Variants in SGCZ observed in about 807,000 individuals in gnomAD.
The protein encoded by SGCZ is zeta-sarcoglycan.
A neutral mutation model predicts 41.3 loss-of-function variants in SGCZ; 40 were observed. The ratio of observed to expected loss-of-function variants is 0.97; its 90% CI spans 0.75 to 1.26. The LOEUF (loss-of-function observed/expected upper bound fraction) is 1.26. Among genes scored for constraint, SGCZ ranks in the 50% most tolerant of loss-of-function variants. SGCZ has a pLI of 0.00. For missense variants in SGCZ, 552 were observed against 369.8 expected, an observed-to-expected ratio of 1.49 and a Z score of -4.04; for synonymous variants, 206 against 137.5, an observed-to-expected ratio of 1.50 and a Z score of -3.49.
rs375024477 is a variant in SGCZ at position 14,160,400 on chromosome 8, C to A, written c.547+4180G>T. On this transcript the variant is annotated intron_variant, in intron 5 of 7. Transcript: ENST00000382080. ...GACTTCCGTGTGTAAAGGTTTATTCCTTTTTTTGTTGTGTTGACTAGGTCT... is the reference window on the plus strand; with the variant it reads ...GACTTCCGTGTGTAAAGGTTTATTCATTTTTTTGTTGTGTTGACTAGGTCT... Among the ~76,000 whole-genome samples the A allele has an allele frequency of 3.3e-5, 5 of 151,990 alleles. No individual in the cohort carries two copies. In the East Asian group the frequency reaches 9.7e-4, roughly 29 times the overall value.
chr8:14,733,038 C>A (rs1316391606), intron 1 of SGCZ, among the ~76,000 whole-genome samples: 1 of 152,108 alleles, frequency 6.6e-6, no homozygotes, highest in African/African-American at 2.4e-5. Flanking sequence ...CAGGGACGCT[C>A]AGGGTTCTAT....
chr8:14,529,892 T>C (rs1370057650), intron 2 of SGCZ, among the ~76,000 whole-genome samples: 3 of 152,122 alleles, frequency 2.0e-5, no homozygotes, highest in South Asian at 2.1e-4. Context: ...TTCTAAAATA[T>C]GCAATGCACT....
chr8:14,580,380 C>T (rs1241513905), intron 1 of SGCZ, among the ~76,000 whole-genome samples: 6 of 152,046 alleles, frequency 3.9e-5, no homozygotes, highest in African/African-American at 1.2e-4. Flanking sequence ...AATAGTAATA[C>T]TTTAAATGGA....
chr8:14,824,108 G>A (rs1802207851), intron 1 of SGCZ, among the ~76,000 whole-genome samples: 1 of 152,044 alleles, frequency 6.6e-6, no homozygotes, highest in Non-Finnish European at 1.5e-5. Context: ...AAAGAGGAGA[G>A]GAGGATGAGA....
chr8:14,133,462 C>A lies in SGCZ; in HGVS notation c.548-25227G>T, dbSNP rs188511111. On this transcript the variant is annotated intron_variant, in intron 5 of 7. Transcript: ENST00000382080. ...AAGAGCATCTTTTCTTTCACGTAGTCTCCAGACAGGTTACAAGAGACACAT... is the reference window on the plus strand; with the variant it reads ...AAGAGCATCTTTTCTTTCACGTAGTATCCAGACAGGTTACAAGAGACACAT... Among the ~76,000 whole-genome samples, 5 of 152,236 alleles carry A rather than the reference C, an allele frequency of 3.3e-5. No individual in the cohort carries two copies. The East Asian group carries it at 7.7e-4, about 24-fold the overall frequency.
At chr8:14,419,881 G>C (rs944087128) in intron 2 of SGCZ, among the ~76,000 whole-genome samples, 3 of 151,986 alleles carry the variant, frequency 2.0e-5, no homozygotes, top group Admixed American at 1.3e-4. Flanking sequence ...GAAATTATTA[G>C]CGTTTGTTTC....
chr8:15,217,474 A>G (rs1000203921), intron 1 of SGCZ, among the ~76,000 whole-genome samples: 1 of 148,762 alleles, frequency 6.7e-6, no homozygotes, highest in Non-Finnish European at 1.5e-5. Flanking sequence ...TTTTTTCCTG[A>G]AATTTCAGTG....
intron 2 of SGCZ, among the ~76,000 whole-genome samples, chr8:14,528,826 C>CCAAAAAA (rs1464674085): frequency 3.9e-3 from 24 of 6,154 alleles, no homozygotes; most frequent in African/African-American, 0.013. Flanking sequence ...CACGGACCAG[C>CCAAAAAA]CAAAAAAAAA....
Position 14,998,877 on chromosome 8 carries a change from T to C in SGCZ, c.39+238708A>G, listed in dbSNP as rs370148372. Reference sequence around the variant, plus strand: ...CTCTATATCATCCTAGCTATTGATATGGGTTACTGAGCCAAAGAGGATCAC... The same window carrying C: ...CTCTATATCATCCTAGCTATTGATACGGGTTACTGAGCCAAAGAGGATCAC... On this transcript the variant is annotated intron_variant, in intron 1 of 7. Transcript: ENST00000382080. Among the ~76,000 whole-genome samples the C allele has an allele frequency of 1.5e-3, 234 of 152,342 alleles. 9 individuals are homozygous for C. The South Asian group carries it at 0.039, about 25-fold the overall frequency.
chr8:14,589,413 A>G (rs147296832), intron 1 of SGCZ, among the ~76,000 whole-genome samples: 1 of 152,116 alleles, frequency 6.6e-6, no homozygotes, highest in Non-Finnish European at 1.5e-5. Flanking sequence ...TCCTAATAAT[A>G]CCAACCAAAC....
chr8:14,782,970 T>C (rs1475117058), intron 1 of SGCZ, among the ~76,000 whole-genome samples: 1 of 152,222 alleles, frequency 6.6e-6, no homozygotes, highest in Admixed American at 6.5e-5. Context: ...AATAGATTAA[T>C]GGATATTATA....
intron 2 of SGCZ, among the ~76,000 whole-genome samples, chr8:14,497,343 G>C (rs1036399923): frequency 6.6e-6 from 1 of 152,092 alleles, no homozygotes; most frequent in Non-Finnish European, 1.5e-5. Flanking sequence ...AGAAAGAAGG[G>C]AGAGGTCCAA....
chr8:14,345,924 G>A (rs996838528), intron 2 of SGCZ, among the ~76,000 whole-genome samples: 41 of 152,046 alleles, frequency 2.7e-4, no homozygotes, highest in African/African-American at 9.9e-4. Context: ...AGAATTCAGG[G>A]TAGGGAGGAA....
chr8:15,040,673 G>C lies in SGCZ; in HGVS notation c.39+196912C>G, dbSNP rs139600775. Among the ~76,000 whole-genome samples the C allele has an allele frequency of 5.2e-3, 791 of 152,244 alleles. 5 individuals are homozygous for C. Among genetic ancestry groups the C allele is most frequent in the African/African-American group, 0.018 (755 of 41,566 alleles). On this transcript the variant is annotated intron_variant, in intron 1 of 7. Transcript: ENST00000382080. ...AGTAAAATGAATATGATTATATTTA[G>C]TTGATCGTACTGCTTTTATTTGAAA...
chr8:14,809,194 A>G (rs948205835), intron 1 of SGCZ, among the ~76,000 whole-genome samples: 1 of 152,168 alleles, frequency 6.6e-6, no homozygotes, highest in Admixed American at 6.5e-5. Flanking sequence ...ACTAAGCTGC[A>G]CAATGTGCAC....
At chr8:14,917,639 G>C (rs1043049228) in intron 1 of SGCZ, among the ~76,000 whole-genome samples, 1 of 152,028 alleles carries the variant, frequency 6.6e-6, no homozygotes, top group African/African-American at 2.4e-5. Context: ...TCTGATCTAT[G>C]TTAATAGATC....
At chr8:14,213,912 A>G (rs1585238509) in intron 4 of SGCZ, among the ~76,000 whole-genome samples, 1 of 152,122 alleles carries the variant, frequency 6.6e-6, no homozygotes, top group African/African-American at 2.4e-5. Flanking sequence ...TTATGTAGCT[A>G]CTTTACCCTT....
chr8:14,957,528 C>T (rs1011022340), intron 1 of SGCZ, among the ~76,000 whole-genome samples: 1 of 151,804 alleles, frequency 6.6e-6, no homozygotes, highest in Non-Finnish European at 1.5e-5. Flanking sequence ...GTATCTAAAC[C>T]TGAATTTTAC....
chr8:14,817,093 C>G (rs183794946), intron 1 of SGCZ, among the ~76,000 whole-genome samples: 3 of 152,166 alleles, frequency 2.0e-5, no homozygotes, highest in Admixed American at 6.5e-5. Flanking sequence ...TTTGGTTCAT[C>G]TCCCCTTCCC....
Sources: gnomAD v4.1 joint callset for allele counts (sites outside exome capture counted in the v4.1 genomes callset) on GRCh38, gnomAD v4.1.1 for gene constraint, MANE v1.5 for transcripts, NCBI Gene and HGNC (gene_info 2026-07-23, HGNC 2026-07-21) for gene names.